Variants in NALF1 observed in about 807,000 individuals in gnomAD.
NALF1 encodes family with sequence similarity 155 member A.
A neutral mutation model predicts 48.4 loss-of-function variants in NALF1; 3 were observed. The ratio of observed to expected loss-of-function variants is 0.06; its 90% CI spans 0.03 to 0.16. The LOEUF is 0.16. NALF1 is among the 10% of genes least tolerant of loss of function. NALF1 has a pLI of 1.00. For synonymous variants in NALF1, 262 were observed against 245.7 expected, an observed-to-expected ratio of 1.07 and a Z score of -0.62; for missense variants, 526 against 571.5, an observed-to-expected ratio of 0.92 and a Z score of 0.81.
At chr13:107,633,063 A>T (rs1879876010) in intron 1 of NALF1, among the ~76,000 whole-genome samples, 1 of 152,128 alleles carries the variant, frequency 6.6e-6, no homozygotes, top group African/African-American at 2.4e-5. Context: ...TCTTAAATTC[A>T]TGCCCCTCTT....
chr13:107,507,935 G>C (rs1875756560), intron 1 of NALF1, among the ~76,000 whole-genome samples: 1 of 151,972 alleles, frequency 6.6e-6, no homozygotes, highest in Non-Finnish European at 1.5e-5. Context: ...CATCTCCCAA[G>C]CCACACACTC....
intron 1 of NALF1, among the ~76,000 whole-genome samples, chr13:107,350,407 T>C (rs1294103373): frequency 6.6e-6 from 1 of 152,238 alleles, no homozygotes; most frequent in African/African-American, 2.4e-5. Flanking sequence ...AAAAGCAATA[T>C]TCTTTTTAAG....
At chr13:107,796,928 A>G (rs1407816781) in intron 1 of NALF1, among the ~76,000 whole-genome samples, 3 of 152,132 alleles carry the variant, frequency 2.0e-5, no homozygotes, top group African/African-American at 7.2e-5. Flanking sequence ...CACGTGCCCA[A>G]TACTTCTGTC....
At chr13:107,595,195 T>A (rs1878707630) in intron 1 of NALF1, among the ~76,000 whole-genome samples, 1 of 152,112 alleles carries the variant, frequency 6.6e-6, no homozygotes, top group Non-Finnish European at 1.5e-5. Flanking sequence ...TTCAACCTAG[T>A]CATTTGGAAA....
chr13:107,305,678 G>A (rs1881922969), intron 1 of NALF1, among the ~76,000 whole-genome samples: 1 of 152,188 alleles, frequency 6.6e-6, no homozygotes, highest in Non-Finnish European at 1.5e-5. Context: ...AAAAAGGAAT[G>A]AAGTGGTGAC....
chr13:107,634,221 G>C (rs929279398), intron 1 of NALF1, among the ~76,000 whole-genome samples: 1 of 152,038 alleles, frequency 6.6e-6, no homozygotes, highest in African/African-American at 2.4e-5. Flanking sequence ...TGGGGAGGCA[G>C]TGACTAACTG....
intron 1 of NALF1, among the ~76,000 whole-genome samples, chr13:107,590,744 G>A (rs1411827954): frequency 6.6e-6 from 1 of 151,932 alleles, no homozygotes; most frequent in African/African-American, 2.4e-5. Flanking sequence ...ATTGCCTTAT[G>A]AGGAAGACGT....
At chr13:107,271,654 T>A (rs1182714469) in intron 1 of NALF1, among the ~76,000 whole-genome samples, 1 of 151,622 alleles carries the variant, frequency 6.6e-6, no homozygotes, top group African/African-American at 2.4e-5. Flanking sequence ...AGTCAGCAGT[T>A]GAAAATGAAT....
At position 107,643,534 on chromosome 13, in the gene NALF1, GT is replaced by G. The variant is rs1880220386; in HGVS notation, c.915+222147del. Among the ~76,000 whole-genome samples the G allele has an allele frequency of 2.3e-5, 3 of 131,718 alleles. 1 individual carries two copies. The South Asian group carries it at 8.3e-4, about 37-fold the overall frequency. The allele number at this position is 131,718 out of a possible 152,430, so 86.4% of individuals were successfully genotyped here. A position where few individuals can be genotyped will look rare whatever the true frequency, so the allele number is the denominator to read the frequency against. The stretch of plus-strand genomic sequence containing the variant: ...ATACAGTATAATTTCCATATACAGT[GT>G]ATTTGGTGGGGGGGGGGTGAAACGA... On this transcript the variant is annotated intron_variant, in intron 1 of 2. Transcript: ENST00000375915.
chr13:107,525,654 G>A (rs944567156), intron 1 of NALF1, among the ~76,000 whole-genome samples: 14 of 152,056 alleles, frequency 9.2e-5, no homozygotes, highest in African/African-American at 3.4e-4. Context: ...TTAGTCAGAT[G>A]ATAAATTGAT....
At chr13:107,519,822 GAGAA>G (rs1876178327) in intron 1 of NALF1, among the ~76,000 whole-genome samples, 1 of 152,146 alleles carries the variant, frequency 6.6e-6, no homozygotes, top group Non-Finnish European at 1.5e-5. Context: ...GAAGTAGCTT[GAGAA>G]AGAGTTTTCA....
At chr13:107,217,734 T>C (rs1879904411) in intron 1 of NALF1, among the ~76,000 whole-genome samples, 1 of 152,112 alleles carries the variant, frequency 6.6e-6, no homozygotes, top group Non-Finnish European at 1.5e-5. Flanking sequence ...GCTTCCTCAA[T>C]AGCTCTATGT....
rs1298402540 is a variant in NALF1 at position 107,361,385 on chromosome 13, G to A, written c.916-150630C>T. On this transcript the variant is annotated intron_variant, in intron 1 of 2. Coordinates refer to ENST00000375915, the MANE Select transcript of NALF1 (RefSeq NM_001080396.3). The stretch of plus-strand genomic sequence containing the variant: ...TAACTGGAAATTTGGCTCTGTTGCT[G>A]GTGAGTAGTGAAAGACCAGAAGCAT... Among the ~76,000 whole-genome samples the A allele has an allele frequency of 2.0e-5, 3 of 152,112 alleles. No homozygotes were observed. In the East Asian group the frequency reaches 5.8e-4, roughly 29 times the overall value.
chr13:107,550,263 C>G (rs1877254739), intron 1 of NALF1, among the ~76,000 whole-genome samples: 1 of 152,132 alleles, frequency 6.6e-6, no homozygotes, highest in African/African-American at 2.4e-5. Flanking sequence ...GAGCTCACCT[C>G]CCTCCCAAGT....
chr13:107,501,180 TG>T (rs1431488908), intron 1 of NALF1, among the ~76,000 whole-genome samples: 3 of 152,060 alleles, frequency 2.0e-5, no homozygotes, highest in Non-Finnish European at 4.4e-5. Context: ...TGGCCTCACA[TG>T]GCAGAACAGC....
At chr13:107,787,345 T>TTATATGGTAAGACATTCTTA (rs1441889552) in intron 1 of NALF1, among the ~76,000 whole-genome samples, 1 of 152,196 alleles carries the variant, frequency 6.6e-6, no homozygotes, top group Non-Finnish European at 1.5e-5. Context: ...ATCATCACAA[T>TTATATGGTAAGACATTCTTA]TATATGGTAA....
intron 1 of NALF1, among the ~76,000 whole-genome samples, chr13:107,696,661 G>A (rs960949181): frequency 1.3e-5 from 2 of 151,772 alleles, no homozygotes; most frequent in African/African-American, 4.8e-5. Context: ...AAAATGTTGG[G>A]GACTTATATT....
intron 1 of NALF1, among the ~76,000 whole-genome samples, chr13:107,455,758 C>T (rs1884814517): frequency 6.6e-6 from 1 of 152,194 alleles, no homozygotes; most frequent in Non-Finnish European, 1.5e-5. Context: ...TTTGCCTTTC[C>T]CAGAATATCA....
At chr13:107,351,180 T>A (rs1387141573) in intron 1 of NALF1, among the ~76,000 whole-genome samples, 1 of 152,154 alleles carries the variant, frequency 6.6e-6, no homozygotes, top group East Asian at 1.9e-4. Flanking sequence ...GCAATACGCG[T>A]CTCTGATTAA....
Sources: gnomAD v4.1 joint callset for allele counts (sites outside exome capture counted in the v4.1 genomes callset) on GRCh38, gnomAD v4.1.1 for gene constraint, MANE v1.5 for transcripts, NCBI Gene and HGNC (gene_info 2026-07-23, HGNC 2026-07-21) for gene names.